The following BLK variants were observed in gnomAD, a reference collection of about 807,000 sequenced individuals.
The protein encoded by BLK is BLK proto-oncogene, Src family tyrosine kinase.
BLK carries 64 observed loss-of-function variants against 61.8 expected under a neutral mutation model. The ratio of observed to expected loss-of-function variants is 1.03; its 90% CI spans 0.85 to 1.27. BLK has a LOEUF of 1.27. Among genes scored for constraint, BLK ranks in the 50% most tolerant of loss-of-function variants. BLK has a pLI of 0.00. For synonymous variants in BLK, 351 were observed against 272.0 expected, an observed-to-expected ratio of 1.29 and a Z score of -2.86; for missense variants, 853 against 660.5, an observed-to-expected ratio of 1.29 and a Z score of -3.19.
intron 6 of BLK, chr8:11,552,499 A>ATT: frequency 6.6e-6 from 1 of 152,272 alleles, no homozygotes; most frequent in African/African-American, 2.4e-5. Flanking sequence ...AGATGACATA[A>ATT]GTGTTTTATT....
chr8:11,554,515 G>A (rs1459494611), intron 6 of BLK, among the ~76,000 whole-genome samples: 1 of 152,224 alleles, frequency 6.6e-6, no homozygotes, highest in Non-Finnish European at 1.5e-5. Context: ...GCTGAGTTTT[G>A]CAGGATAGTG....
At chr8:11,541,494 C>T (rs919386971) in intron 1 of BLK, among the ~76,000 whole-genome samples, 1 of 143,082 alleles carries the variant, frequency 7.0e-6, no homozygotes, top group Non-Finnish European at 1.5e-5. Flanking sequence ...CCCATCGTCT[C>T]TCTCTCTTTT....
intron 2 of BLK, among the ~76,000 whole-genome samples, chr8:11,543,749 C>G (rs1800495211): frequency 6.6e-6 from 1 of 152,266 alleles, no homozygotes; most frequent in Non-Finnish European, 1.5e-5. Flanking sequence ...CATCATGAAA[C>G]AGGAGGGTGC....
At chr8:11,550,506 C>G (rs113287418) in intron 6 of BLK, among the ~76,000 whole-genome samples, 2 of 152,240 alleles carry the variant, frequency 1.3e-5, no homozygotes, top group African/African-American at 4.8e-5. Flanking sequence ...GGTGGTCCCA[C>G]GCCAGACTGG....
chr8:11,528,923 G>A (rs1425213704), intron 1 of BLK, among the ~76,000 whole-genome samples: 1 of 152,044 alleles, frequency 6.6e-6, no homozygotes, highest in African/African-American at 2.4e-5. Context: ...ACACACAGAG[G>A]GGAATAACAC....
At chr8:11,552,574 C>T (rs933620412) in intron 6 of BLK, 2 of 152,132 alleles carry the variant, frequency 1.3e-5, no homozygotes, top group African/African-American at 4.8e-5. Flanking sequence ...ACCCCTGGTA[C>T]CCAACAGCCA....
chr8:11,555,949 A>G (rs1801193720), intron 8 of BLK: 4 of 249,426 alleles, frequency 1.6e-5, no homozygotes, highest in South Asian at 1.4e-4. Flanking sequence ...ATCGCTGCTG[A>G]CACCTGCCCC....
At position 11,550,142 on chromosome 8, in the gene BLK, T is replaced by C; in HGVS notation, c.369-17T>C. On this transcript the variant is annotated splice_polypyrimidine_tract_variant and intron_variant, in intron 5 of 12. Transcript: ENST00000259089. ...GCAGGGTCGCTCTGAGTTTCACCTG[T>C]TCCTGCCGTTTTCCAGGTGGTTCTT... The C allele has an allele frequency of 6.2e-7, 1 of 1,611,556 alleles. No individual in the cohort carries two copies.
intron 1 of BLK, among the ~76,000 whole-genome samples, chr8:11,514,545 A>G (rs1799148944): frequency 6.6e-6 from 1 of 152,162 alleles, no homozygotes; most frequent in Non-Finnish European, 1.5e-5. Context: ...GCTGGGAGAG[A>G]GGCTGGGGTA....
In BLK at chr8:11,561,044, C is replaced by G. The variant is rs930949277; in HGVS notation, c.1030-258C>G. 9.2e-6 allele frequency: 6 copies of G among 654,128 alleles called. No individual in the cohort carries two copies. In the African/African-American group the frequency reaches 1.1e-4, roughly 12 times the overall value. The allele number at this position is 654,128 out of a possible 1,614,324, so 40.5% of individuals were successfully genotyped here. On this transcript the variant is annotated intron_variant, in intron 10 of 12. Coordinates refer to ENST00000259089, the MANE Select transcript of BLK (RefSeq NM_001715.3). ...CATCTCTGCAGACCCTTGGACACAG[C>G]TGTGTGGAGCGAGAACGAGGAGGGG...
chr8:11,508,239 G>A (rs552440940), intron 1 of BLK, among the ~76,000 whole-genome samples: 13 of 152,344 alleles, frequency 8.5e-5, no homozygotes, highest in Admixed American at 2.6e-4. Context: ...GTCACGGCGC[G>A]AAGGCTAAGC....
At chr8:11,509,631 A>G (rs1441947453) in intron 1 of BLK, 4 of 152,098 alleles carry the variant, frequency 2.6e-5, no homozygotes, top group Admixed American at 2.0e-4. Context: ...TTTTCAGCCT[A>G]ATCACCAGAG....
Position 11,556,719 on chromosome 8 carries a change from A to C in BLK, c.834A>C (p.Pro278=), listed in dbSNP as rs773352771. 7 of 1,614,220 alleles carry C rather than the reference A, an allele frequency of 4.3e-6. No homozygotes were observed. The highest frequency in any genetic ancestry group is 5.1e-6 in the Non-Finnish European group (6 of 1,180,038). ...CGCTGAAGGAGGGAACCATGTCTCCAGAAGCCTTTCTGGGTGAGGCCAACG... is the reference window on the plus strand; with the variant it reads ...CGCTGAAGGAGGGAACCATGTCTCCCGAAGCCTTTCTGGGTGAGGCCAACG... The part of the protein sequence containing the change: ...IKTLKEGTMS[P]EAFLGEANVM... Residue 278 remains proline, a synonymous_variant, in exon 9 of 13, where the codon CCA becomes CCC. Coordinates refer to ENST00000259089, the MANE Select transcript of BLK (RefSeq NM_001715.3).
intron 1 of BLK, among the ~76,000 whole-genome samples, chr8:11,512,332 C>G (rs1161254275): frequency 6.6e-6 from 1 of 152,202 alleles, no homozygotes; most frequent in Admixed American, 6.5e-5. Context: ...GTTATGATCT[C>G]TTAACAAGGT....
At position 11,555,532 on chromosome 8, in the gene BLK, G is replaced by A. The variant is rs756089529; in HGVS notation, c.772+48G>A. 1.9e-5 allele frequency: 30 copies of A among 1,612,496 alleles called. 1 individual carries two copies. In the Middle Eastern group the frequency reaches 8.3e-4, roughly 45 times the overall value. On this transcript the variant is annotated intron_variant, in intron 8 of 12. Transcript: ENST00000259089. The stretch of plus-strand genomic sequence containing the variant: ...GCATTTCTCCCCCCATTCCACCTGC[G>A]CCGCATCCTGAGTCCAGGTTCAGCA...
At chr8:11,527,604 C>T (rs1432356145) in intron 1 of BLK, among the ~76,000 whole-genome samples, 1 of 151,628 alleles carries the variant, frequency 6.6e-6, no homozygotes, top group African/African-American at 2.4e-5. Context: ...ATTTGGTGGG[C>T]AGGGTAATAG....
At chr8:11,516,405 G>A (rs925138281) in intron 1 of BLK, among the ~76,000 whole-genome samples, 1 of 152,146 alleles carries the variant, frequency 6.6e-6, no homozygotes, top group Non-Finnish European at 1.5e-5. Context: ...TCCCCCTTGC[G>A]GTGCAAAGAA....
chr8:11,529,617 C>G (rs145706953), intron 1 of BLK, among the ~76,000 whole-genome samples: 1 of 152,150 alleles, frequency 6.6e-6, no homozygotes, highest in African/African-American at 2.4e-5. Context: ...AATCCTGTGG[C>G]TAATTTGTTA....
At chr8:11,523,935 TAAAC>T (rs1799551066) in intron 1 of BLK, among the ~76,000 whole-genome samples, 2 of 152,028 alleles carry the variant, frequency 1.3e-5, no homozygotes, top group African/African-American at 4.8e-5. Flanking sequence ...CTTACCTTTA[TAAAC>T]ATTAATTTAG....
Sources: allele counts gnomAD v4.1 joint callset (sites outside exome capture counted in the v4.1 genomes callset), GRCh38; gene constraint gnomAD v4.1.1; transcripts MANE v1.5; gene names NCBI Gene and HGNC (gene_info 2026-07-23, HGNC 2026-07-21).